The following DOT1L variants were observed in gnomAD, a reference collection of about 807,000 sequenced individuals.
DOT1L encodes histone-lysine N-methyltransferase, H3 lysine-79 specific.
A neutral mutation model predicts 153.3 loss-of-function variants in DOT1L; 33 were observed. The ratio of observed to expected loss-of-function variants is 0.22; its 90% confidence interval spans 0.16 to 0.29. The LOEUF (loss-of-function observed/expected upper bound fraction) is 0.29. DOT1L is among the 10% of genes least tolerant of loss of function. DOT1L has a pLI of 1.00. For missense variants in DOT1L, 1,847 were observed against 2,119.9 expected (o/e 0.87, Z 2.53); for synonymous variants, 1,135 against 965.1 (o/e 1.18, Z -3.26).
intron 6 of DOT1L, among the ~76,000 whole-genome samples, chr19:2,194,111 G>A (rs1175126254): frequency 6.6e-6 from 1 of 152,132 alleles, no homozygotes; most frequent in East Asian, 1.9e-4. Context: ...TGTTTTGGGT[G>A]GCCTGCCCAG....
At chr19:2,169,088 C>A (rs531025257) in intron 1 of DOT1L, among the ~76,000 whole-genome samples, 1 of 152,082 alleles carries the variant, frequency 6.6e-6, no homozygotes, top group Non-Finnish European at 1.5e-5. Context: ...GCCAAGGGTC[C>A]GGACTCTCTG....
At chr19:2,195,170 G>A (rs764457659) in intron 7 of DOT1L, among the ~76,000 whole-genome samples, 5 of 152,062 alleles carry the variant, frequency 3.3e-5, no homozygotes, top group Non-Finnish European at 5.9e-5. Flanking sequence ...GCTGTTTAGG[G>A]AGCAGGAAGG....
Position 2,213,872 on chromosome 19 carries a change from C to T in DOT1L, c.1683C>T (p.Tyr561=), listed in dbSNP as rs568792120. The change falls in exon 18 of 28, where the codon TAC becomes TAT. Residue 561 remains tyrosine, a synonymous_variant. Coordinates refer to ENST00000398665, the MANE Select transcript of DOT1L (RefSeq NM_032482.3). The part of the protein sequence containing the change: ...LDELGVKALT[Y]NDLIQAQKEI... ...AGCTGGGTGTGAAGGCGCTGACCTACAACGACCTGATTCAAGCGCAGAAGG... is the reference window on the plus strand; with the variant it reads ...AGCTGGGTGTGAAGGCGCTGACCTATAACGACCTGATTCAAGCGCAGAAGG... 7 of 1,613,150 alleles carry T rather than the reference C, an allele frequency of 4.3e-6. No individual in the cohort carries two copies. The South Asian group carries it at 7.7e-5, about 18-fold the overall frequency.
At chr19:2,173,959 CTGTT>C (rs762830752) in intron 1 of DOT1L, among the ~76,000 whole-genome samples, 46 of 152,260 alleles carry the variant, frequency 3.0e-4, no homozygotes, top group East Asian at 5.8e-4. Flanking sequence ...GTAGCTTGGG[CTGTT>C]TGTTTGTTTG....
rs553334137 is a variant in DOT1L, at chr19:2,213,959, C to T, written c.1770C>T (p.Arg590=). Residue 590 remains arginine, a synonymous_variant, in exon 18 of 28, where the codon CGC becomes CGT. Coordinates refer to ENST00000398665, the MANE Select transcript of DOT1L (RefSeq NM_032482.3). ...EQSEQLEQDN[R]ALRGQSLQLL... Reference sequence around the variant, plus strand: ...CGGAGCAGCTGGAGCAGGACAACCGCGCGCTCCGCGGCCAGAGCTTGCAGC... The same window carrying T: ...CGGAGCAGCTGGAGCAGGACAACCGTGCGCTCCGCGGCCAGAGCTTGCAGC... The T allele has an allele frequency of 3.2e-5, 51 of 1,612,826 alleles. No homozygotes were observed. Among genetic ancestry groups the T allele is most frequent in the South Asian group, 1.8e-4 (16 of 91,084 alleles).
At chr19:2,229,543 G>A (rs1485305638) in intron 27 of DOT1L, 1 of 985,354 alleles carries the variant, frequency 1.0e-6, no homozygotes, top group Non-Finnish European at 1.2e-6. Flanking sequence ...TCGGCTGTGT[G>A]TCTCCTTTGG....
chr19:2,207,391 G>T lies in DOT1L; in HGVS notation c.857-183G>T, dbSNP rs1010829342. Among the ~76,000 whole-genome samples, 1 of 152,196 alleles carries T rather than the reference G, an allele frequency of 6.6e-6. No homozygotes were observed. The highest frequency in any genetic ancestry group is 1.5e-5 in the Non-Finnish European group (1 of 68,018). On this transcript the variant is annotated intron_variant, in intron 10 of 27. Transcript: ENST00000398665. The surrounding 1 kb of genome is among the most constrained non-coding windows in gnomAD (Gnocchi z 4.5). ...AGGTTGGAGGGGCCCAGGCCAGGTG[G>T]TGTTGAATGGTGCACCTCCCTGGGC...
intron 2 of DOT1L, among the ~76,000 whole-genome samples, chr19:2,185,629 C>T (rs1258894886): frequency 6.6e-6 from 1 of 152,002 alleles, no homozygotes; most frequent in African/African-American, 2.4e-5. Context: ...ATTAGCCAGG[C>T]GTGGTGGTGG....
intron 5 of DOT1L, among the ~76,000 whole-genome samples, chr19:2,192,916 G>T (rs1357156482): frequency 6.6e-6 from 1 of 152,184 alleles, no homozygotes; most frequent in Admixed American, 6.5e-5. Context: ...TGCTGGCCGG[G>T]CCCTGGCCCC....
chr19:2,201,184 G>A (rs1455507992), intron 8 of DOT1L, among the ~76,000 whole-genome samples: 3 of 114,056 alleles, frequency 2.6e-5, no homozygotes, highest in African/African-American at 3.5e-5. Flanking sequence ...CGCATTCCTC[G>A]TCCTCCCCTC....
At chr19:2,199,443 T>G (rs1200619066) in intron 7 of DOT1L, among the ~76,000 whole-genome samples, 1 of 152,226 alleles carries the variant, frequency 6.6e-6, no homozygotes, top group Non-Finnish European at 1.5e-5. Flanking sequence ...CCCTGTGGCC[T>G]CCCTCAGGCC....
Position 2,220,136 on chromosome 19 carries a change from C to T in DOT1L, c.2720C>T (p.Pro907Leu), listed in dbSNP as rs2024058365. The T allele has an allele frequency of 6.2e-7, 1 of 1,612,692 alleles. No individual in the cohort carries two copies. The highest frequency in any genetic ancestry group is 1.1e-5 in the South Asian group (1 of 91,058). The change falls in exon 23 of 28, where the codon CCC becomes CTC. Residue 907 changes from proline (P) to leucine (L), a missense_variant. Pro to Leu is a moderately conservative substitution (Grantham distance 98, BLOSUM62 -3). Around this residue, in one of 8 missense-constraint regions of DOT1L, gnomAD observed 68 missense variants for 80.7 expected, o/e 0.84. Transcript: ENST00000398665. The surrounding 1 kb of genome is among the most constrained non-coding windows in gnomAD (Gnocchi z 4.5). ...ARSTPSPVLQ[P>L]RDPSSTLEKQ... ...AGCACCCCCAGTCCCGTGCTGCAGC[C>T]CCGTGACCCCTCGTCCACACTTGAA...
Position 2,211,001 on chromosome 19 carries a change from C to T in DOT1L, c.1352-98C>T, listed in dbSNP as rs2023690836. On this transcript the variant is annotated intron_variant, in intron 14 of 27. Coordinates refer to ENST00000398665, the MANE Select transcript of DOT1L (RefSeq NM_032482.3). ...TGTGGCTGTGCCTTCAGGGTGGCCCCATCCTAAGGGGTTGCTGGGCACCTG... is the reference window on the plus strand; with the variant it reads ...TGTGGCTGTGCCTTCAGGGTGGCCCTATCCTAAGGGGTTGCTGGGCACCTG... 2.7e-6 allele frequency: 4 copies of T among 1,459,918 alleles called. No individual in the cohort carries two copies. The Admixed American group carries it at 5.5e-5, about 20-fold the overall frequency. The allele number at this position is 1,459,918 out of a possible 1,614,324, so 90.4% of individuals were successfully genotyped here. A position where few individuals can be genotyped will look rare whatever the true frequency, so the allele number is the denominator to read the frequency against.
chr19:2,165,657 C>T (rs1399486479), intron 1 of DOT1L, among the ~76,000 whole-genome samples: 1 of 152,224 alleles, frequency 6.6e-6, no homozygotes, highest in African/African-American at 2.4e-5. Context: ...GTTGGGCTCT[C>T]ATCGTTTTAG....
chr19:2,178,354 C>T (rs1441105716), intron 1 of DOT1L, among the ~76,000 whole-genome samples: 10 of 145,760 alleles, frequency 6.9e-5, no homozygotes, highest in Non-Finnish European at 1.3e-4. Context: ...CATGGTGAAA[C>T]CTTGTCTCTA....
At chr19:2,209,278 A>C (rs1398466139) in intron 12 of DOT1L, among the ~76,000 whole-genome samples, 11 of 140,030 alleles carry the variant, frequency 7.9e-5, no homozygotes, top group African/African-American at 1.6e-4. Context: ...TCTCTCTCCC[A>C]CCCTCTCTCT....
At position 2,232,383 on chromosome 19, in the gene DOT1L, C is replaced by G; in HGVS notation, c.*2591C>G. On this transcript the variant is annotated 3_prime_UTR_variant, in exon 28 of 28. Coordinates refer to ENST00000398665, the MANE Select transcript of DOT1L (RefSeq NM_032482.3). ...CGCCATCGTGGTCAGACCCCCCTCC[C>G]AACACAACACGCTGCTGGTCTGTGT... 1 of 219,980 alleles carries G rather than the reference C, an allele frequency of 4.5e-6. No homozygotes were observed. Among genetic ancestry groups the G allele is most frequent in the East Asian group, 6.6e-5 (1 of 15,214 alleles). 13.6% of individuals were successfully genotyped at this position (219,980 alleles called of 1,614,324 possible).
chr19:2,175,004 ATTTTT>A (rs201460295), intron 1 of DOT1L, among the ~76,000 whole-genome samples: 2 of 107,182 alleles, frequency 1.9e-5, no homozygotes, highest in Non-Finnish European at 3.3e-5. Context: ...GTATATATAT[ATTTTT>A]TTTTTTTTAG....
chr19:2,199,431 C>T lies in DOT1L; in HGVS notation c.652-453C>T, dbSNP rs948480288. Among the ~76,000 whole-genome samples, 8 of 152,250 alleles carry T rather than the reference C, an allele frequency of 5.3e-5. No homozygotes were observed. The South Asian group carries it at 8.3e-4, about 16-fold the overall frequency. On this transcript the variant is annotated intron_variant, in intron 7 of 27. Transcript: ENST00000398665. ...GCCTGCCGCAGAGGGTGCCCCCCAGCGCCCTGTGGCCTCCCTCAGGCCCTG... is the reference window on the plus strand; with the variant it reads ...GCCTGCCGCAGAGGGTGCCCCCCAGTGCCCTGTGGCCTCCCTCAGGCCCTG...
Sources: gnomAD v4.1 joint callset for allele counts (sites outside exome capture counted in the v4.1 genomes callset) on GRCh38, gnomAD v4.1.1 for gene constraint, gnomAD v4.1.1 regional missense constraint, Gnocchi (gnomAD v3.1) non-coding constraint, MANE v1.5 for transcripts, NCBI Gene and HGNC (gene_info 2026-07-23, HGNC 2026-07-21) for gene names.